Variants in EFNA5 observed in about 807,000 individuals in gnomAD.
EFNA5 encodes ephrin-A5.
Under a neutral mutation model 22.9 loss-of-function variants are expected in EFNA5, and 5 were observed. The observed-to-expected ratio is 0.22, with a 90% confidence interval of 0.11 to 0.46. The LOEUF (loss-of-function observed/expected upper bound fraction) is 0.46, where lower values mean the gene tolerates loss of function less well. EFNA5 is among the 20% of genes least tolerant of loss of function. The pLI, the probability that EFNA5 is intolerant of heterozygous loss-of-function variation, is 0.99. For missense variants in EFNA5, 237 were observed against 293.3 expected, an observed-to-expected ratio of 0.81 and a Z score of 1.40; for synonymous variants, 113 against 112.2, an observed-to-expected ratio of 1.01 and a Z score of -0.04.
chr5:107,545,831 GT>G (rs1322043656), intron 1 of EFNA5, among the ~76,000 whole-genome samples: 3 of 152,102 alleles, frequency 2.0e-5, no homozygotes, highest in African/African-American at 7.2e-5. Context: ...AAAGCCATTC[GT>G]TTTTTTCCTA....
Position 107,654,891 on chromosome 5 carries a change from T to C in EFNA5, c.125+15598A>G, listed in dbSNP as rs114044288. On this transcript the variant is annotated intron_variant, in intron 1 of 4. Coordinates refer to ENST00000333274, the MANE Select transcript of EFNA5 (RefSeq NM_001962.3). The stretch of plus-strand genomic sequence containing the variant: ...CTGTTCAGCTCTAGCCTTTAGTACA[T>C]TATTTACCATATTAATAAAAGCTGA... 6.4e-3 allele frequency among the ~76,000 whole-genome samples: 969 copies of C among 152,204 alleles called. 14 individuals carry two copies. The highest frequency in any genetic ancestry group is 0.022 in the African/African-American group (927 of 41,532).
chr5:107,589,249 G>A (rs942326662), intron 1 of EFNA5, among the ~76,000 whole-genome samples: 3 of 152,190 alleles, frequency 2.0e-5, no homozygotes, highest in Admixed American at 1.3e-4. Flanking sequence ...CTAAGCATAA[G>A]CAATCTATTT....
intron 2 of EFNA5, among the ~76,000 whole-genome samples, chr5:107,423,552 T>C (rs1748727125): frequency 6.6e-6 from 1 of 152,118 alleles, no homozygotes; most frequent in Admixed American, 6.5e-5. Context: ...AAAATGAGTA[T>C]TTTTGAATTT....
intron 1 of EFNA5, among the ~76,000 whole-genome samples, chr5:107,460,056 C>CTACT (rs1252109503): frequency 6.6e-6 from 1 of 152,082 alleles, no homozygotes; most frequent in Non-Finnish European, 1.5e-5. Context: ...TCAGGAAAGG[C>CTACT]TACTGTGTTA....
At chr5:107,402,817 A>C (rs1580427579) in intron 2 of EFNA5, among the ~76,000 whole-genome samples, 1 of 152,190 alleles carries the variant, frequency 6.6e-6, no homozygotes, top group South Asian at 2.1e-4. Flanking sequence ...CTTCGGGCAA[A>C]TTTCCTCCTG....
At chr5:107,669,276 T>C (rs1234360079) in intron 1 of EFNA5, among the ~76,000 whole-genome samples, 2 of 150,790 alleles carry the variant, frequency 1.3e-5, no homozygotes, top group African/African-American at 4.9e-5. Flanking sequence ...GGCTAACCCC[T>C]CGGCCTCCCG....
intron 1 of EFNA5, among the ~76,000 whole-genome samples, chr5:107,534,168 A>G (rs1248477963): frequency 6.6e-6 from 1 of 152,240 alleles, no homozygotes; most frequent in Non-Finnish European, 1.5e-5. Context: ...GGTTGTTATG[A>G]TAACAGCAGA....
chr5:107,534,560 C>A (rs541363780), intron 1 of EFNA5, among the ~76,000 whole-genome samples: 3 of 152,184 alleles, frequency 2.0e-5, no homozygotes, highest in Non-Finnish European at 4.4e-5. Flanking sequence ...AGAGGCTTTT[C>A]TTCTTTTTAG....
intron 2 of EFNA5, among the ~76,000 whole-genome samples, chr5:107,390,196 G>A (rs746426531): frequency 2.0e-5 from 3 of 152,076 alleles, no homozygotes; most frequent in Non-Finnish European, 2.9e-5. Flanking sequence ...AGATGAAAAC[G>A]TTTTCCATGT....
chr5:107,465,540 G>T (rs1393932631), intron 1 of EFNA5, among the ~76,000 whole-genome samples: 3 of 152,172 alleles, frequency 2.0e-5, no homozygotes, highest in African/African-American at 4.8e-5. Flanking sequence ...AGCTGACATG[G>T]TGATCATGGA....
intron 1 of EFNA5, among the ~76,000 whole-genome samples, chr5:107,595,822 TGGGGATAAAA>T (rs1749462588): frequency 6.6e-6 from 1 of 152,152 alleles, no homozygotes; most frequent in Admixed American, 6.6e-5. Flanking sequence ...ATCTCTAAAA[TGGGGATAAAA>T]TACGCACTTC....
chr5:107,585,156 T>C (rs150415125), intron 1 of EFNA5, among the ~76,000 whole-genome samples: 54 of 152,246 alleles, frequency 3.5e-4, no homozygotes, highest in African/African-American at 1.2e-3. Context: ...AAAAGTGGAA[T>C]AGGATTTGAA....
At position 107,590,445 on chromosome 5, in the gene EFNA5, C is replaced by T. The variant is rs530480879; in HGVS notation, c.125+80044G>A. ...CACTCTGTCACCCAGGCTGGAGTGC[C>T]GTGGAATGGTCACAGCTCACTCAGC... On this transcript the variant is annotated intron_variant, in intron 1 of 4. Coordinates refer to ENST00000333274, the MANE Select transcript of EFNA5 (RefSeq NM_001962.3). 2.6e-5 allele frequency among the ~76,000 whole-genome samples: 4 copies of T among 151,864 alleles called. No homozygotes were observed. In the East Asian group the frequency reaches 5.8e-4, roughly 22 times the overall value.
intron 1 of EFNA5, among the ~76,000 whole-genome samples, chr5:107,573,383 T>C (rs770093373): frequency 1.3e-5 from 2 of 151,928 alleles, no homozygotes; most frequent in Non-Finnish European, 2.9e-5. Flanking sequence ...CAAGGACAAA[T>C]GCTCTCATTT....
chr5:107,564,477 T>C (rs1748619054), intron 1 of EFNA5, among the ~76,000 whole-genome samples: 1 of 152,222 alleles, frequency 6.6e-6, no homozygotes, highest in African/African-American at 2.4e-5. Context: ...TTGTCCTGTG[T>C]CTGTTATTAG....
rs142455526 is a variant in EFNA5, at chr5:107,516,290, G to A, written c.126-88781C>T. ...TGGCCTTAAGCAATCCTCTCGCCTC[G>A]GCCTCCCAAAGTGCTGGGATTATAG... On this transcript the variant is annotated intron_variant, in intron 1 of 4. Coordinates refer to ENST00000333274, the MANE Select transcript of EFNA5 (RefSeq NM_001962.3). 9.9e-3 allele frequency among the ~76,000 whole-genome samples: 1,491 copies of A among 151,284 alleles called. 26 individuals are homozygous for A. The highest frequency in any genetic ancestry group is 0.034 in the African/African-American group (1,400 of 41,258).
At chr5:107,576,452 C>T (rs1028061741) in intron 1 of EFNA5, among the ~76,000 whole-genome samples, 1 of 152,130 alleles carries the variant, frequency 6.6e-6, no homozygotes, top group East Asian at 1.9e-4. Flanking sequence ...ATCTGCCGTC[C>T]TATTCATAAA....
intron 1 of EFNA5, among the ~76,000 whole-genome samples, chr5:107,654,755 GA>G (rs1234493213): frequency 6.6e-6 from 1 of 152,052 alleles, no homozygotes; most frequent in Non-Finnish European, 1.5e-5. Flanking sequence ...TTCACAAAGA[GA>G]AATAGAGATA....
intron 1 of EFNA5, among the ~76,000 whole-genome samples, chr5:107,591,111 G>A (rs896060989): frequency 6.7e-6 from 1 of 150,002 alleles, no homozygotes; most frequent in Non-Finnish European, 1.5e-5. Context: ...TGTTTTCCAC[G>A]TGTTTGGGTA....
Sources: gnomAD v4.1 joint callset for allele counts (sites outside exome capture counted in the v4.1 genomes callset) on GRCh38, gnomAD v4.1.1 for gene constraint, MANE v1.5 for transcripts, NCBI Gene and HGNC (gene_info 2026-07-23, HGNC 2026-07-21) for gene names.